Variants in PRORP observed in about 807,000 individuals in gnomAD.
PRORP encodes protein only RNase P catalytic subunit.
PRORP carries 51 observed loss-of-function variants against 59.4 expected under a neutral mutation model. That is an observed-to-expected ratio of 0.86 (90% CI 0.69 to 1.08). PRORP has a LOEUF of 1.08. PRORP is among the 50% of genes least tolerant of loss of function. PRORP has a pLI of 0.00. For synonymous variants in PRORP, 231 were observed against 245.6 expected, an observed-to-expected ratio of 0.94 and a Z score of 0.55; for missense variants, 646 against 690.3, an observed-to-expected ratio of 0.94 and a Z score of 0.72.
chr14:35,194,233 T>C (rs911334516), intron 5 of PRORP, among the ~76,000 whole-genome samples: 4 of 152,208 alleles, frequency 2.6e-5, no homozygotes, highest in African/African-American at 9.6e-5. Context: ...GAGAGTTCAC[T>C]CATGATTTGG....
chr14:35,168,467 C>T (rs2048238625), intron 4 of PRORP, among the ~76,000 whole-genome samples: 1 of 152,170 alleles, frequency 6.6e-6, no homozygotes, highest in South Asian at 2.1e-4. Context: ...GGTTTTGTCA[C>T]TTGTCCCAAT....
intron 2 of PRORP, among the ~76,000 whole-genome samples, chr14:35,126,401 C>T (rs190831139): frequency 1.1e-4 from 16 of 152,252 alleles, no homozygotes; most frequent in Admixed American, 9.2e-4. Flanking sequence ...AAATTACTCT[C>T]GGCAGGAGCA....
At chr14:35,125,361 T>C (rs1370904977) in intron 2 of PRORP, among the ~76,000 whole-genome samples, 1 of 152,220 alleles carries the variant, frequency 6.6e-6, no homozygotes, top group African/African-American at 2.4e-5. Flanking sequence ...ACTGGGTACA[T>C]ACCTGTTTAT....
intron 5 of PRORP, among the ~76,000 whole-genome samples, chr14:35,252,122 A>G (rs981559211): frequency 1.3e-5 from 2 of 152,220 alleles, no homozygotes; most frequent in Admixed American, 6.5e-5. Context: ...AAATATTAAC[A>G]TGAAACCAGA....
chr14:35,207,874 G>A (rs551952168), intron 5 of PRORP, among the ~76,000 whole-genome samples: 6 of 152,302 alleles, frequency 3.9e-5, no homozygotes, highest in African/African-American at 7.2e-5. Flanking sequence ...GTAACTGGCC[G>A]GGCGCGGTGG....
At chr14:35,270,240 C>G (rs1308844925) in intron 6 of PRORP, among the ~76,000 whole-genome samples, 161 bp from the exon 7 acceptor site, 1 of 152,156 alleles carries the variant, frequency 6.6e-6, no homozygotes, top group Non-Finnish European at 1.5e-5. Context: ...GTATTGCTTA[C>G]CAGCTAAGGA....
chr14:35,253,752 T>C (rs978408458), intron 5 of PRORP, among the ~76,000 whole-genome samples: 8 of 152,152 alleles, frequency 5.3e-5, no homozygotes, highest in African/African-American at 1.9e-4. Context: ...TCCCTCCTTC[T>C]TGAAATGCTC....
At chr14:35,194,858 A>T (rs1007146157) in intron 5 of PRORP, among the ~76,000 whole-genome samples, 5 of 152,202 alleles carry the variant, frequency 3.3e-5, no homozygotes, top group Non-Finnish European at 5.9e-5. Context: ...ATCCTATTTC[A>T]AAAGATAGGC....
intron 5 of PRORP, among the ~76,000 whole-genome samples, chr14:35,210,945 T>C (rs1340384460): frequency 6.6e-6 from 1 of 151,604 alleles, no homozygotes; most frequent in African/African-American, 2.4e-5. Context: ...TTAAAAATTA[T>C]TTTTTTGTAG....
intron 5 of PRORP, among the ~76,000 whole-genome samples, chr14:35,206,028 T>C (rs889535293): frequency 1.3e-5 from 2 of 152,170 alleles, no homozygotes; most frequent in Non-Finnish European, 2.9e-5. Flanking sequence ...TTATTTGTTT[T>C]AGAAATCGCA....
intron 4 of PRORP, among the ~76,000 whole-genome samples, chr14:35,167,168 A>G (rs531869647): frequency 6.6e-6 from 1 of 152,324 alleles, no homozygotes; most frequent in Admixed American, 6.5e-5. Flanking sequence ...GTATTTGCCT[A>G]ACTCTCCTGC....
At chr14:35,187,630 A>G (rs759863011) in intron 5 of PRORP, among the ~76,000 whole-genome samples, 1 of 151,236 alleles carries the variant, frequency 6.6e-6, no homozygotes, top group Non-Finnish European at 1.5e-5. Flanking sequence ...GGTTTTCGCC[A>G]TGTTGGCCAG....
rs1369665488 is a variant in PRORP at position 35,185,348 on chromosome 14, T to C, written c.1275+4571T>C. Reference sequence around the variant, plus strand: ...TTTTGTGAAGTTTTTGTTCATGTCCTTTGCCCACTTTTTAATGGGATTGTT... The same window carrying C: ...TTTTGTGAAGTTTTTGTTCATGTCCCTTGCCCACTTTTTAATGGGATTGTT... On this transcript the variant is annotated intron_variant, in intron 5 of 7. Transcript: ENST00000534898. Among the ~76,000 whole-genome samples the C allele has an allele frequency of 2.6e-5, 4 of 152,184 alleles. No individual in the cohort carries two copies. The East Asian group carries it at 7.7e-4, about 29-fold the overall frequency.
intron 4 of PRORP, among the ~76,000 whole-genome samples, chr14:35,173,454 T>C (rs2048369314): frequency 6.6e-6 from 1 of 152,226 alleles, no homozygotes; most frequent in Non-Finnish European, 1.5e-5. Flanking sequence ...TTTGCTGGGC[T>C]TCTTGGAATC....
In PRORP at chr14:35,277,495, G is replaced by T. The variant is rs2051312735; in HGVS notation, c.*3929G>T. ...TGACAAGCAGTCTGCTTGAGTCTGT[G>T]CTAAATAAACAAAGGAAGTTCCATT... On this transcript the variant is annotated 3_prime_UTR_variant, in exon 8 of 8. Transcript: ENST00000534898. 1 of 152,112 alleles carries T rather than the reference G, an allele frequency of 6.6e-6. No homozygotes were observed. The highest frequency in any genetic ancestry group is 2.4e-5 in the African/African-American group (1 of 41,408). 9.4% of individuals were successfully genotyped at this position (152,112 alleles called of 1,614,324 possible).
In PRORP at chr14:35,172,452, C is replaced by CTTT. The variant is rs1566474462; in HGVS notation, c.1168-8218_1168-8217insTTT. 4.5e-3 allele frequency among the ~76,000 whole-genome samples: 288 copies of CTTT among 64,694 alleles called. 3 individuals are homozygous for CTTT. The highest frequency in any genetic ancestry group is 0.01 in the African/African-American group (265 of 25,536). The allele number at this position is 64,694 out of a possible 152,430, so 42.4% of individuals were successfully genotyped here. A position where few individuals can be genotyped will look rare whatever the true frequency, so the allele number is the denominator to read the frequency against. On this transcript the variant is annotated intron_variant, in intron 4 of 7. Coordinates refer to ENST00000534898, the MANE Select transcript of PRORP (RefSeq NM_014672.4). ...TCCTTCCTTCCTTCCTTCCTTCCTT[C>CTTT]CTTCTTTCTTTCTTTCCCCTCTTTC...
chr14:35,127,729 C>A, intron 4 of PRORP, 118 bp downstream of exon 4: 4 of 913,058 alleles, frequency 4.4e-6, no homozygotes, highest in Non-Finnish European at 6.8e-6. Context: ...GTCCCTGTTG[C>A]AACTTTTCAA....
intron 5 of PRORP, among the ~76,000 whole-genome samples, chr14:35,261,271 C>T (rs1291413406): frequency 1.3e-5 from 2 of 152,186 alleles, no homozygotes; most frequent in African/African-American, 4.8e-5. Context: ...ATTTTTCCCT[C>T]TACCTTTCCA....
intron 4 of PRORP, among the ~76,000 whole-genome samples, chr14:35,151,395 G>A (rs574344497): frequency 2.8e-4 from 42 of 152,088 alleles, no homozygotes; most frequent in African/African-American, 9.4e-4. Flanking sequence ...CAGCAGCTGA[G>A]ATGTTGAGAA....
Sources: gnomAD v4.1 joint callset for allele counts (sites outside exome capture counted in the v4.1 genomes callset) on GRCh38, gnomAD v4.1.1 for gene constraint, MANE v1.5 for transcripts, NCBI Gene and HGNC (gene_info 2026-07-23, HGNC 2026-07-21) for gene names.